ZNF546: variants seen among roughly 807,000 people sequenced by gnomAD.
ZNF546 encodes CTC-471F3.6.
Under a neutral mutation model 76.2 loss-of-function variants are expected in ZNF546, and 60 were observed. That is an observed-to-expected ratio of 0.79 (90% confidence interval 0.64 to 0.98). The LOEUF (loss-of-function observed/expected upper bound fraction) is 0.98. Ranked by LOEUF, ZNF546 falls within the 50% of genes least tolerant of loss-of-function variation. The pLI is 0.00. For missense variants in ZNF546, 936 were observed against 1,035.6 expected (o/e 0.90, Z 1.32); for synonymous variants, 277 against 328.1 (o/e 0.84, Z 1.68).
At position 40,020,298 on chromosome 19, in the gene ZNF546, T is replaced by C. The variant is rs1328044670; in HGVS notation, c.*4517T>C. 1 of 152,196 alleles carries C rather than the reference T, an allele frequency of 6.6e-6. No homozygotes were observed. 9.4% of individuals were successfully genotyped at this position (152,196 alleles called of 1,614,324 possible). A position where few individuals can be genotyped will look rare whatever the true frequency, so the allele number is the denominator to read the frequency against. ...CAACTCCAGGTCCATTTTATGCAAATAAGACAGCCATAATATATCATTGTA... is the reference window on the plus strand; with the variant it reads ...CAACTCCAGGTCCATTTTATGCAAACAAGACAGCCATAATATATCATTGTA... On this transcript the variant is annotated 3_prime_UTR_variant, in exon 7 of 7. Coordinates refer to ENST00000347077, the MANE Select transcript of ZNF546 (RefSeq NM_178544.5).
chr19:40,013,206 A>G (rs1410905667), intron 6 of ZNF546, among the ~76,000 whole-genome samples: 1 of 152,168 alleles, frequency 6.6e-6, no homozygotes, highest in Admixed American at 6.5e-5. Flanking sequence ...TAAGCCAGGA[A>G]CCAGCAAACT....
Position 40,016,897 on chromosome 19 carries a change from G to A in ZNF546, c.*1116G>A, listed in dbSNP as rs1271531289. The A allele has an allele frequency of 6.6e-6, 1 of 152,086 alleles. No individual in the cohort carries two copies. The highest frequency in any genetic ancestry group is 1.5e-5 in the Non-Finnish European group (1 of 68,024). The allele number at this position is 152,086 out of a possible 1,614,324, so 9.4% of individuals were successfully genotyped here. On this transcript the variant is annotated 3_prime_UTR_variant, in exon 7 of 7. Coordinates refer to ENST00000347077, the MANE Select transcript of ZNF546 (RefSeq NM_178544.5). ...GCCCCTGTGCCTTGGTTTTTAAAAT[G>A]GTAATAACAGTACCACCTAATAGTA...
chr19:39,999,509 A>C (rs1305067685), intron 3 of ZNF546: 2 of 152,220 alleles, frequency 1.3e-5, no homozygotes, highest in African/African-American at 2.4e-5. Context: ...TACATAAGGC[A>C]CTTATAAAGA....
chr19:40,015,447 G>A lies in ZNF546; in HGVS notation c.2177G>A (p.Cys726Tyr). 1 of 1,614,196 alleles carries A rather than the reference G, an allele frequency of 6.2e-7. No individual in the cohort carries two copies. Among genetic ancestry groups the A allele is most frequent in the Non-Finnish European group, 8.5e-7 (1 of 1,180,030 alleles). ...TGELPYECKE[C>Y]GKTFSRRYHL... ...GAGCTTCCATATGAATGTAAGGAAT[G>A]TGGAAAGACCTTTAGTCGTCGGTAT... The change falls in exon 7 of 7, where the codon TGT becomes TAT. Residue 726 changes from cysteine (C) to tyrosine (Y), a missense_variant. Physicochemically the swap from Cys to Tyr is radical, Grantham distance 194. Transcript: ENST00000347077.
chr19:39,998,647 A>C (rs1014664148), intron 3 of ZNF546: 15 of 484,448 alleles, frequency 3.1e-5, no homozygotes, highest in Non-Finnish European at 5.5e-5. Context: ...AATCTGTGTG[A>C]ACATGAGCAG....
chr19:40,020,759 CAA>C lies in ZNF546; in HGVS notation c.*4983_*4984del, dbSNP rs1214242145. On this transcript the variant is annotated 3_prime_UTR_variant, in exon 7 of 7. Coordinates refer to ENST00000347077, the MANE Select transcript of ZNF546 (RefSeq NM_178544.5). ...GAGCCCACACTGGAAATGCCATAAC[CAA>C]AAAAGAGTGACCCTAAAGATAGAAT... 1 of 151,922 alleles carries C rather than the reference CAA, an allele frequency of 6.6e-6. No homozygotes were observed. Among genetic ancestry groups the C allele is most frequent in the Non-Finnish European group, 1.5e-5 (1 of 67,934 alleles). The allele number at this position is 151,922 out of a possible 1,614,324, so 9.4% of individuals were successfully genotyped here.
intron 3 of ZNF546, among the ~76,000 whole-genome samples, chr19:40,000,260 T>C (rs942236883): frequency 6.6e-6 from 1 of 152,176 alleles, no homozygotes; most frequent in African/African-American, 2.4e-5. Flanking sequence ...GCAATACTCT[T>C]ATCTTGGTTA....
chr19:40,002,363 G>A (rs1971540997), intron 3 of ZNF546, among the ~76,000 whole-genome samples: 1 of 152,132 alleles, frequency 6.6e-6, no homozygotes, highest in African/African-American at 2.4e-5. Flanking sequence ...CCAAAAATTG[G>A]AATTTTAGTC....
chr19:40,013,639 GC>G, intron 6 of ZNF546, 25 bp from the exon 7 acceptor site: 2 of 1,006,668 alleles, frequency 2.0e-6, no homozygotes, highest in South Asian at 1.6e-5. Context: ...TTTACTCTTT[GC>G]TTTTTTTTTT....
At chr19:40,008,698 C>T in intron 6 of ZNF546, 133 bp downstream of exon 6, 2 of 544,624 alleles carry the variant, frequency 3.7e-6, no homozygotes, top group South Asian at 3.9e-5. Flanking sequence ...AGGACTGATA[C>T]CTGGGAAGCA....
chr19:39,997,193 G>A (rs1300766990), intron 1 of ZNF546, 36 bp downstream of exon 1: 1 of 152,392 alleles, frequency 6.6e-6, no homozygotes, highest in Non-Finnish European at 1.5e-5. Flanking sequence ...GTAGGACTGG[G>A]GATAGAACTG....
At chr19:39,998,812 A>G (rs1339983275) in intron 3 of ZNF546, among the ~76,000 whole-genome samples, 1 of 152,166 alleles carries the variant, frequency 6.6e-6, no homozygotes, top group Non-Finnish European at 1.5e-5. Context: ...TCGCTGTGTC[A>G]CCCAGGCTGG....
At chr19:40,004,056 TTATATATAATATATAAATA>T (rs1971566778) in intron 3 of ZNF546, among the ~76,000 whole-genome samples, 1 of 135,978 alleles carries the variant, frequency 7.4e-6, no homozygotes, top group Non-Finnish European at 1.5e-5. Flanking sequence ...TTATATGTAT[TTATATATAATATATAAATA>T]TATATATAAC....
intron 5 of ZNF546, among the ~76,000 whole-genome samples, chr19:40,007,789 G>A (rs866258061): frequency 6.6e-6 from 1 of 152,046 alleles, no homozygotes; most frequent in African/African-American, 2.4e-5. Context: ...AACCTCCATG[G>A]ATTATACAGT....
rs1445274236 is a variant in ZNF546 at position 40,017,448 on chromosome 19, A to G, written c.*1667A>G. 6.6e-6 allele frequency: 1 copy of G among 152,222 alleles called. No individual in the cohort carries two copies. Among genetic ancestry groups the G allele is most frequent in the East Asian group, 1.9e-4 (1 of 5,204 alleles). 9.4% of individuals were successfully genotyped at this position (152,222 alleles called of 1,614,324 possible). A position where few individuals can be genotyped will look rare whatever the true frequency, so the allele number is the denominator to read the frequency against. ...GTTGTCACATTTGGTTTGCTTATAC[A>G]TAATATTTACATATTTTGCTGTAGT... On this transcript the variant is annotated 3_prime_UTR_variant, in exon 7 of 7. Coordinates refer to ENST00000347077, the MANE Select transcript of ZNF546 (RefSeq NM_178544.5).
At position 40,015,560 on chromosome 19, in the gene ZNF546, C is replaced by G; in HGVS notation, c.2290C>G (p.Leu764Val). 1.2e-6 allele frequency: 2 copies of G among 1,614,120 alleles called. No homozygotes were observed. Among genetic ancestry groups the G allele is most frequent in the Non-Finnish European group, 1.7e-6 (2 of 1,180,032 alleles). ...GAATGCCTTTCGTCTTCAAGCAGAACTTACTCGACATCACATAGTTCACAC... is the reference window on the plus strand; with the variant it reads ...GAATGCCTTTCGTCTTCAAGCAGAAGTTACTCGACATCACATAGTTCACAC... The part of the protein sequence containing the change: ...CGNAFRLQAE[L>V]TRHHIVHTGE... The change falls in exon 7 of 7, where the codon CTT becomes GTT. Residue 764 changes from leucine (L) to valine (V), a missense_variant. By Grantham distance (32) the Leu-to-Val change is conservative. Transcript: ENST00000347077.
rs761945248 is a variant in ZNF546, at chr19:40,015,924, C to G, written c.*143C>G. The G allele has an allele frequency of 2.6e-6, 2 of 765,836 alleles. No individual in the cohort carries two copies. Among genetic ancestry groups the G allele is most frequent in the Admixed American group, 2.4e-5 (1 of 41,664 alleles). The allele number at this position is 765,836 out of a possible 1,614,324, so 47.4% of individuals were successfully genotyped here. Reference sequence around the variant, plus strand: ...GAAATTATTTCGTATGTTAAAGAGTCGAAAGACTATAGCATCACTCAGTCC... The same window carrying G: ...GAAATTATTTCGTATGTTAAAGAGTGGAAAGACTATAGCATCACTCAGTCC... On this transcript the variant is annotated 3_prime_UTR_variant, in exon 7 of 7. Transcript: ENST00000347077.
At chr19:40,004,017 A>AAT (rs1555723982) in intron 3 of ZNF546, among the ~76,000 whole-genome samples, 3 of 145,232 alleles carry the variant, frequency 2.1e-5, no homozygotes, top group Non-Finnish European at 4.5e-5. Context: ...ATCTCAAAAA[A>AAT]ATATATATAT....
chr19:40,004,716 A>ATG (rs1042650439), intron 3 of ZNF546, among the ~76,000 whole-genome samples: 50 of 150,918 alleles, frequency 3.3e-4, no homozygotes, highest in African/African-American at 6.3e-4. Context: ...TTCTTTATGT[A>ATG]TGTGTGTGTG....
Sources: gnomAD v4.1 joint callset for allele counts (sites outside exome capture counted in the v4.1 genomes callset) on GRCh38, gnomAD v4.1.1 for gene constraint, MANE v1.5 for transcripts, NCBI Gene and HGNC (gene_info 2026-07-23, HGNC 2026-07-21) for gene names.